Variants in SLC26A8 observed in about 807,000 individuals in gnomAD.
SLC26A8 encodes testis anion transporter 1.
In SLC26A8, 70 loss-of-function variants were observed where a neutral mutation model predicts 105.0. The observed-to-expected ratio is 0.67, with a 90% confidence interval of 0.55 to 0.81. SLC26A8 has a LOEUF of 0.81. Among genes scored for constraint, SLC26A8 ranks in the 40% least tolerant of loss-of-function variants. The pLI, the probability that SLC26A8 is intolerant of heterozygous loss-of-function variation, is 0.00. For missense variants in SLC26A8, 998 were observed against 1,181.8 expected (o/e 0.84, Z 2.28); for synonymous variants, 415 against 438.3 (o/e 0.95, Z 0.66).
rs78318767 is a variant in SLC26A8, at chr6:35,975,574, T to A, written c.1174-86A>T. On this transcript the variant is annotated intron_variant, in intron 9 of 19. Coordinates refer to ENST00000490799, the MANE Select transcript of SLC26A8 (RefSeq NM_052961.4). ...TTGAAGGCATATGGTTTTTTTTTTTTATATGAAGATAGGGTTGTTTGCATC... is the reference window on the plus strand; with the variant it reads ...TTGAAGGCATATGGTTTTTTTTTTTAATATGAAGATAGGGTTGTTTGCATC... 4.1e-4 allele frequency: 281 copies of A among 686,374 alleles called. No individual in the cohort carries two copies. The African/African-American group carries it at 4.4e-3, about 11-fold the overall frequency. 42.5% of individuals were successfully genotyped at this position (686,374 alleles called of 1,614,324 possible). A position where few individuals can be genotyped will look rare whatever the true frequency, so the allele number is the denominator to read the frequency against.
intron 7 of SLC26A8, among the ~76,000 whole-genome samples, chr6:35,986,498 A>T (rs1773530969): frequency 6.6e-6 from 1 of 151,998 alleles, no homozygotes; most frequent in Non-Finnish European, 1.5e-5. Flanking sequence ...CATCTCCCCA[A>T]ACCACTCTCC....
intron 3 of SLC26A8, among the ~76,000 whole-genome samples, chr6:36,008,582 T>C (rs1037072890): frequency 4.6e-5 from 7 of 151,988 alleles, no homozygotes; most frequent in African/African-American, 1.7e-4. Flanking sequence ...CTGTTAAGAG[T>C]ATGAAAAGGC....
chr6:35,966,461 GA>G (rs573832066), intron 11 of SLC26A8, among the ~76,000 whole-genome samples: 22 of 152,278 alleles, frequency 1.4e-4, no homozygotes, highest in Admixed American at 8.5e-4. Flanking sequence ...ATATTAAGGT[GA>G]AACATGCTCA....
At chr6:35,954,809 G>A (rs1269808584) in intron 17 of SLC26A8, 1 of 261,632 alleles carries the variant, frequency 3.8e-6, no homozygotes, top group Non-Finnish European at 7.5e-6. Flanking sequence ...GCAGGGCGTA[G>A]TGACACATGC....
At chr6:35,967,653 A>G in intron 11 of SLC26A8, among the ~76,000 whole-genome samples, 1 of 152,172 alleles carries the variant, frequency 6.6e-6, no homozygotes. Context: ...GGGAGGACTG[A>G]GTTCACACAA....
chr6:36,012,049 C>G (rs1490400441), intron 3 of SLC26A8, among the ~76,000 whole-genome samples, 184 bp downstream of exon 3: 1 of 152,088 alleles, frequency 6.6e-6, no homozygotes, highest in East Asian at 1.9e-4. Context: ...TAAAGTAAAC[C>G]AAGTCTTTTG....
At chr6:35,991,600 A>AT (rs965816302) in intron 7 of SLC26A8, 59 bp downstream of exon 7, 24 of 1,372,158 alleles carry the variant, frequency 1.7e-5, no homozygotes, top group Non-Finnish European at 2.2e-5. Flanking sequence ...TCAACTCAGC[A>AT]TTTTTTTAAA....
intron 1 of SLC26A8, among the ~76,000 whole-genome samples, chr6:36,020,255 C>A (rs1762097619): frequency 6.6e-6 from 1 of 152,184 alleles, no homozygotes; most frequent in Admixed American, 6.5e-5. Flanking sequence ...AAATGTAAGA[C>A]CAGGAAGCAG....
chr6:35,993,648 T>C (rs919773914), intron 5 of SLC26A8, among the ~76,000 whole-genome samples: 8 of 152,226 alleles, frequency 5.3e-5, no homozygotes, highest in African/African-American at 1.9e-4. Context: ...GAATTACCTT[T>C]GGGGAATGGG....
At position 35,981,989 on chromosome 6, in the gene SLC26A8, CCT is replaced by C. The variant is rs1176555923; in HGVS notation, c.1025+130_1025+131del. ...TCCCTAGCCCTTCTCCTTTCATGAA[CCT>C]CTGTGTTCAAAAATGAATTTTGCTT... is the stretch of plus-strand genomic sequence containing the variant. On this transcript the variant is annotated intron_variant, in intron 8 of 19. Transcript: ENST00000490799. This position sits in a 1 kb window ranked among gnomAD's most constrained non-coding sequence, Gnocchi z 4.0. 2.4e-6 allele frequency: 2 copies of C among 837,360 alleles called. No homozygotes were observed. The highest frequency in any genetic ancestry group is 3.4e-5 in the African/African-American group (2 of 58,342). 51.9% of individuals were successfully genotyped at this position (837,360 alleles called of 1,614,324 possible).
In SLC26A8 at chr6:35,951,286, C is replaced by G; in HGVS notation, c.2349G>C (p.Gln783His). The stretch of plus-strand genomic sequence containing the variant: ...CGGCGTCGTGAACGCTGAGGAACAG[C>G]TGGGTCTTGGTGATGCCAGCGTCAA... Reference protein sequence around the residue: ...DFFDAGITKTQLFLSVHDAVL... With the variant: ...DFFDAGITKTHLFLSVHDAVL... The change falls in exon 19 of 20, where the codon CAG (glutamine) becomes CAC (histidine). Residue 783 changes from glutamine to histidine, a missense_variant. Transcript: ENST00000490799. 1 of 1,614,146 alleles carries G rather than the reference C, an allele frequency of 6.2e-7. No homozygotes were observed. The highest frequency in any genetic ancestry group is 8.5e-7 in the Non-Finnish European group (1 of 1,180,034).
intron 3 of SLC26A8, among the ~76,000 whole-genome samples, chr6:36,011,369 T>G (rs1342721103): frequency 6.6e-6 from 1 of 152,232 alleles, no homozygotes. Context: ...CTGAGCATAG[T>G]GACTCTTACA....
chr6:35,987,459 C>T (rs1773568075), intron 7 of SLC26A8, among the ~76,000 whole-genome samples: 1 of 152,132 alleles, frequency 6.6e-6, no homozygotes, highest in Non-Finnish European at 1.5e-5. Flanking sequence ...GCAAGCTCCG[C>T]CTCTCGGGTT....
At position 35,960,920 on chromosome 6, in the gene SLC26A8, G is replaced by A. The variant is rs371883732; in HGVS notation, c.1569-8C>T. The A allele has an allele frequency of 1.5e-5, 25 of 1,614,006 alleles. No individual in the cohort carries two copies. The African/African-American group carries it at 3.3e-4, about 22-fold the overall frequency. ...AGGAGAAGAATCTTAGCTCTGAAAG[G>A]AAATGCACTTGCCTTTAGGTCAGAG... On this transcript the variant is annotated splice_region_variant and splice_polypyrimidine_tract_variant and intron_variant, in intron 13 of 19. Coordinates refer to ENST00000490799, the MANE Select transcript of SLC26A8 (RefSeq NM_052961.4).
intron 7 of SLC26A8, among the ~76,000 whole-genome samples, chr6:35,988,841 G>GT (rs56822307): frequency 0.028 from 3,640 of 128,312 alleles, 150 homozygotes; most frequent in African/African-American, 0.077. Flanking sequence ...GTTCTATACG[G>GT]TTTTTTTTTT....
intron 2 of SLC26A8, 132 bp from the exon 3 acceptor site, chr6:36,012,504 T>C (rs936918259): frequency 1.0e-6 from 1 of 988,398 alleles, no homozygotes; most frequent in Non-Finnish European, 1.4e-6. Context: ...TTTGACATAT[T>C]GGACCAGATA....
intron 7 of SLC26A8, among the ~76,000 whole-genome samples, chr6:35,985,636 T>C (rs1581664565): frequency 7.3e-6 from 1 of 136,198 alleles, no homozygotes; most frequent in Admixed American, 8.9e-5. Flanking sequence ...GAGGCTGCAG[T>C]GAGCTGAGAT....
chr6:35,970,475 T>G (rs758247242), intron 10 of SLC26A8, among the ~76,000 whole-genome samples: 1 of 152,192 alleles, frequency 6.6e-6, no homozygotes, highest in African/African-American at 2.4e-5. Flanking sequence ...AAAGCTCTGA[T>G]GGCAAACATT....
intron 4 of SLC26A8, 125 bp from the exon 5 acceptor site, chr6:35,998,044 G>T (rs1761406164): frequency 1.1e-6 from 1 of 878,170 alleles, no homozygotes; most frequent in Non-Finnish European, 1.7e-6. Flanking sequence ...ATTTGAAAGT[G>T]GCCATTGAGA....
Sources: allele counts gnomAD v4.1 joint callset (sites outside exome capture counted in the v4.1 genomes callset), GRCh38; gene constraint gnomAD v4.1.1; non-coding constraint Gnocchi (gnomAD v3.1); transcripts MANE v1.5; gene names NCBI Gene and HGNC (gene_info 2026-07-23, HGNC 2026-07-21).